DOCK7: variants seen among roughly 807,000 people sequenced by gnomAD.
The protein encoded by DOCK7 is dedicator of cytokinesis 7.
DOCK7 carries 138 observed loss-of-function variants against 271.0 expected under a neutral mutation model. The ratio of observed to expected loss-of-function variants is 0.51; its 90% confidence interval spans 0.44 to 0.59. The LOEUF (loss-of-function observed/expected upper bound fraction) is 0.59. DOCK7 is among the 20% of genes least tolerant of loss of function. The pLI, the probability that DOCK7 is intolerant of heterozygous loss-of-function variation, is 0.00. For missense variants in DOCK7, 2,066 were observed against 2,592.4 expected, an observed-to-expected ratio of 0.80 and a Z score of 4.41; for synonymous variants, 823 against 876.1, an observed-to-expected ratio of 0.94 and a Z score of 1.07.
At chr1:62,619,822 A>AG (rs397791339) in intron 13 of DOCK7, 78 bp downstream of exon 13, 1 of 885,384 alleles carries the variant, frequency 1.1e-6, no homozygotes, top group Admixed American at 2.7e-5. Flanking sequence ...TAAAAAAAAA[A>AG]GATACATAAT....
In DOCK7 at chr1:62,475,885, C is replaced by A. The variant is rs773394486; in HGVS notation, c.5783G>T (p.Arg1928Ile). ...PYFDTYEMKD[R>I]ITYFDKNYNL... is the part of the protein sequence containing the mutation. ...GTAATTTTTGTCGAAATAGGTGATTCTGTCCTTCATCTCATATGTGTCAAA... is the reference window on the plus strand; with the variant it reads ...GTAATTTTTGTCGAAATAGGTGATTATGTCCTTCATCTCATATGTGTCAAA... The change falls in exon 46 of 50, where the codon AGA (arginine) becomes ATA (isoleucine). Residue 1928 changes from arginine to isoleucine, a missense_variant. Transcript: ENST00000635253. 9.3e-6 allele frequency: 15 copies of A among 1,613,900 alleles called. No homozygotes were observed. The highest frequency in any genetic ancestry group is 1.3e-5 in the Non-Finnish European group (15 of 1,179,944).
intron 22 of DOCK7, among the ~76,000 whole-genome samples, chr1:62,552,289 A>G (rs1645933500): frequency 6.6e-6 from 1 of 152,170 alleles, no homozygotes; most frequent in Non-Finnish European, 1.5e-5. Flanking sequence ...CCTTATAAAT[A>G]ACTCTGAGTA....
Position 62,618,823 on chromosome 1 carries a change from T to G in DOCK7, c.1565A>C (p.Tyr522Ser). 1 of 1,613,764 alleles carries G rather than the reference T, an allele frequency of 6.2e-7. No individual in the cohort carries two copies. Among genetic ancestry groups the G allele is most frequent in the Non-Finnish European group, 8.5e-7 (1 of 1,179,766 alleles). The stretch of plus-strand genomic sequence containing the variant: ...TTGAAGCAGCTCCGGAGTTAGGCAA[T>G]AATGGGGATTTTCAGGTGCGGGAGA... ...DISPAPENPH[Y>S]CLTPELLQVK... Residue 522 changes from tyrosine to serine, a missense_variant, in exon 14 of 50, where the codon TAT becomes TCT. Transcript: ENST00000635253.
At chr1:62,570,072 GA>G (rs2149466278) in intron 18 of DOCK7, among the ~76,000 whole-genome samples, 2 of 152,220 alleles carry the variant, frequency 1.3e-5, no homozygotes, top group Non-Finnish European at 2.9e-5. Context: ...ACAAGAGAAA[GA>G]AATAAAGGTA....
At chr1:62,485,476 G>C (rs1016315956) in intron 43 of DOCK7, 31 of 985,224 alleles carry the variant, frequency 3.1e-5, no homozygotes, top group Non-Finnish European at 3.7e-5. Flanking sequence ...GTAAGTTGGG[G>C]AGCAAGTTAT....
rs2149298999 is a variant in DOCK7, at chr1:62,494,433, G to A, written c.5059C>T (p.Arg1687Ter). ...GCCATGTTCTGCAACCAGGTCAATC[G>A]CAGATCTGGAGAGGTCTGGTAACCC... ...AKGYQTSPDLRLTWLQNMAGK... is the reference protein window; with the variant it reads ...AKGYQTSPDL The change falls in exon 40 of 50, where the codon CGA (arginine) becomes TGA (stop). Residue 1687 changes from arginine (R) to a stop codon, truncating the protein, a stop_gained. Coordinates refer to ENST00000635253, the MANE Select transcript of DOCK7 (RefSeq NM_001367561.1). LOFTEE classifies it high-confidence loss of function. 1.9e-6 allele frequency: 3 copies of A among 1,612,266 alleles called. No individual in the cohort carries two copies. The highest frequency in any genetic ancestry group is 1.7e-6 in the Non-Finnish European group (2 of 1,178,670).
At chr1:62,573,199 T>G (rs1358543667) in intron 18 of DOCK7, among the ~76,000 whole-genome samples, 1 of 152,200 alleles carries the variant, frequency 6.6e-6, no homozygotes, top group East Asian at 1.9e-4. Context: ...CTCAGCTATG[T>G]CAAGATCAAG....
intron 14 of DOCK7, among the ~76,000 whole-genome samples, chr1:62,599,171 T>C (rs906713383): frequency 6.6e-6 from 1 of 152,084 alleles, no homozygotes; most frequent in Non-Finnish European, 1.5e-5. Flanking sequence ...ACACAATAGC[T>C]TTCCATTTCA....
chr1:62,513,661 T>C (rs967538088), intron 32 of DOCK7, 55 bp from the exon 33 acceptor site: 33 of 1,603,040 alleles, frequency 2.1e-5, no homozygotes, highest in Non-Finnish European at 2.4e-5. Flanking sequence ...CTTCTATTTT[T>C]TCCACATTAT....
rs747537977 is a variant in DOCK7, at chr1:62,586,536, A to G, written c.1771T>C (p.Tyr591His). 1 of 1,612,246 alleles carries G rather than the reference A, an allele frequency of 6.2e-7. No homozygotes were observed. The highest frequency in any genetic ancestry group is 1.3e-5 in the African/African-American group (1 of 74,970). ...ATGGCATTGCTTGGATCCTCTCCAT[A>G]CATAAACTGGACTTTCACTGTTATA... Reference protein sequence around the residue: ...RNITVKVQFMYGEDPSNAMPV... With the variant: ...RNITVKVQFMHGEDPSNAMPV... Residue 591 changes from tyrosine to histidine, a missense_variant, in exon 15 of 50, where the codon TAT becomes CAT. By Grantham distance (83) the Tyr-to-His change is moderately conservative (BLOSUM62 2). Transcript: ENST00000635253.
chr1:62,652,844 C>T (rs998679538), intron 4 of DOCK7, among the ~76,000 whole-genome samples: 1 of 152,148 alleles, frequency 6.6e-6, no homozygotes, highest in Admixed American at 6.5e-5. Flanking sequence ...AACAGCTCTT[C>T]TATATAAAGG....
At chr1:62,466,217 T>C (rs1645672078) in intron 48 of DOCK7, among the ~76,000 whole-genome samples, 1 of 151,882 alleles carries the variant, frequency 6.6e-6, no homozygotes, top group South Asian at 2.1e-4. Context: ...TTGTTTTTTC[T>C]GAACAGATTT....
At position 62,586,519 on chromosome 1, in the gene DOCK7, G is replaced by T. The variant is rs772493833; in HGVS notation, c.1788C>A (p.Ser596Arg). Residue 596 changes from serine to arginine, a missense_variant, in exon 15 of 50, where the codon AGC (serine) becomes AGA (arginine). Ser to Arg is a moderately radical substitution (Grantham distance 110, BLOSUM62 -1). Transcript: ENST00000635253. ...KVQFMYGEDP[S>R]NAMPVIFGKS... ...GAACATTTCTTACCGGCATGGCATTGCTTGGATCCTCTCCATACATAAACT... is the reference window on the plus strand; with the variant it reads ...GAACATTTCTTACCGGCATGGCATTTCTTGGATCCTCTCCATACATAAACT... The T allele has an allele frequency of 6.2e-6, 10 of 1,605,142 alleles. No homozygotes were observed. The highest frequency in any genetic ancestry group is 2.2e-5 in the East Asian group (1 of 44,708).
rs137929219 is a variant in DOCK7 at position 62,492,431 on chromosome 1, G to A, written c.5361+273C>T. On this transcript the variant is annotated intron_variant, in intron 41 of 49. Transcript: ENST00000635253. ...AGCCTCTCAAGTAGCTGGGACCACA[G>A]GCATGAGCCACCATGCCTGGTGAAT... 9.1e-3 allele frequency: 3,030 copies of A among 333,590 alleles called. 101 individuals carry two copies. Among genetic ancestry groups the A allele is most frequent in the African/African-American group, 0.062 (2,811 of 45,140 alleles). The allele number at this position is 333,590 out of a possible 1,614,324, so 20.7% of individuals were successfully genotyped here. A position where few individuals can be genotyped will look rare whatever the true frequency, so the allele number is the denominator to read the frequency against.
chr1:62,559,494 T>C (rs1038282475), intron 19 of DOCK7, among the ~76,000 whole-genome samples: 3 of 152,098 alleles, frequency 2.0e-5, no homozygotes, highest in African/African-American at 7.2e-5. Flanking sequence ...AGTTCAATTA[T>C]TGTGGCAGGC....
At chr1:62,514,280 A>G (rs1644592585) in intron 31 of DOCK7, among the ~76,000 whole-genome samples, 1 of 152,186 alleles carries the variant, frequency 6.6e-6, no homozygotes, top group African/African-American at 2.4e-5. Context: ...CTCACAGTAA[A>G]TAAGAGTGGG....
intron 18 of DOCK7, among the ~76,000 whole-genome samples, chr1:62,563,387 G>A (rs988073326): frequency 6.6e-5 from 10 of 152,014 alleles, no homozygotes; most frequent in African/African-American, 2.4e-4. Context: ...AATGAGAAAA[G>A]ACAATCATCA....
In DOCK7 at chr1:62,539,803, A is replaced by C; in HGVS notation, c.3135T>G (p.Ile1045Met). ...TAGCAATCGTGCTGACAAGAGCTGCAATGTCATCCATGAAACGTTCTGGAA... is the reference window on the plus strand; with the variant it reads ...TAGCAATCGTGCTGACAAGAGCTGCCATGTCATCCATGAAACGTTCTGGAA... ...SRFPERFMDD[I>M]AALVSTIASD... Residue 1045 changes from isoleucine (I) to methionine (M), a missense_variant, in exon 26 of 50, where the codon ATT (isoleucine) becomes ATG (methionine). By Grantham distance (10) the Ile-to-Met change is conservative (BLOSUM62 1). Coordinates refer to ENST00000635253, the MANE Select transcript of DOCK7 (RefSeq NM_001367561.1). The C allele has an allele frequency of 6.2e-7, 1 of 1,613,892 alleles. No individual in the cohort carries two copies. The highest frequency in any genetic ancestry group is 8.5e-7 in the Non-Finnish European group (1 of 1,179,938).
chr1:62,462,070 C>CAAAAAAA (rs71662374), intron 48 of DOCK7, among the ~76,000 whole-genome samples: 1 of 133,824 alleles, frequency 7.5e-6, no homozygotes. Context: ...AAACTCATCT[C>CAAAAAAA]AAAAAAAAAA....
Sources: gnomAD v4.1 joint callset for allele counts (sites outside exome capture counted in the v4.1 genomes callset) on GRCh38, gnomAD v4.1.1 for gene constraint, MANE v1.5 for transcripts, NCBI Gene and HGNC (gene_info 2026-07-23, HGNC 2026-07-21) for gene names.